Variants in PSD3 observed in about 807,000 individuals in gnomAD.
PSD3 encodes PH and SEC7 domain-containing protein 3.
Under a neutral mutation model 105.5 loss-of-function variants are expected in PSD3, and 49 were observed. That is an observed-to-expected ratio of 0.46 (90% CI 0.37 to 0.59). The LOEUF (loss-of-function observed/expected upper bound fraction) is 0.59. Ranked by LOEUF, PSD3 falls within the 20% of genes least tolerant of loss-of-function variation. The pLI, the probability that PSD3 is intolerant of heterozygous loss-of-function variation, is 0.00. For synonymous variants in PSD3, 557 were observed against 457.8 expected, an observed-to-expected ratio of 1.22 and a Z score of -2.77; for missense variants, 1,561 against 1,263.8, an observed-to-expected ratio of 1.24 and a Z score of -3.57.
At chr8:18,858,499 C>G (rs948153765) in intron 4 of PSD3, among the ~76,000 whole-genome samples, 2 of 152,078 alleles carry the variant, frequency 1.3e-5, no homozygotes, top group Non-Finnish European at 2.9e-5. Context: ...CTTCTTTTCA[C>G]AAAATATTTC....
intron 3 of PSD3, among the ~76,000 whole-genome samples, chr8:18,869,674 G>A (rs565784277): frequency 2.6e-5 from 4 of 152,198 alleles, no homozygotes; most frequent in Admixed American, 2.0e-4. Flanking sequence ...CCTTCCTCAC[G>A]TCTCAGTGTA....
At chr8:18,895,108 G>T (rs1318839960) in intron 2 of PSD3, among the ~76,000 whole-genome samples, 1 of 152,180 alleles carries the variant, frequency 6.6e-6, no homozygotes, top group East Asian at 1.9e-4. Flanking sequence ...ACTTTCCTGA[G>T]ATCCTGTATG....
At chr8:18,791,617 A>G (rs1809726305) in intron 8 of PSD3, among the ~76,000 whole-genome samples, 1 of 152,210 alleles carries the variant, frequency 6.6e-6, no homozygotes, top group South Asian at 2.1e-4. Context: ...ACCCAAAACC[A>G]ATAAAACCCT....
chr8:18,610,727 T>G (rs946220207), intron 11 of PSD3, among the ~76,000 whole-genome samples: 2 of 152,174 alleles, frequency 1.3e-5, no homozygotes, highest in African/African-American at 4.8e-5. Context: ...ATTGGAAGAA[T>G]ATTCTATTCA....
At chr8:18,876,131 T>C (rs1257562091) in intron 2 of PSD3, among the ~76,000 whole-genome samples, 1 of 152,050 alleles carries the variant, frequency 6.6e-6, no homozygotes, top group Non-Finnish European at 1.5e-5. Context: ...CTCTCTATGG[T>C]TCCCAGGCTG....
rs58980263 is a variant in PSD3, at chr8:18,854,761, TAA to T, written c.1634+12911_1634+12912del. Among the ~76,000 whole-genome samples, 1,283 of 152,360 alleles carry T rather than the reference TAA, an allele frequency of 8.4e-3. 21 individuals carry two copies. The highest frequency in any genetic ancestry group is 0.028 in the African/African-American group (1,171 of 41,578). On this transcript the variant is annotated intron_variant, in intron 4 of 15. Coordinates refer to ENST00000327040, the MANE Select transcript of PSD3 (RefSeq NM_015310.4). ...ACTGAAATAGACAACAAAATAGATT[TAA>T]GTCATTAATATTATACACAATTTAG...
chr8:18,563,494 CA>C (rs1241497402), intron 14 of PSD3, among the ~76,000 whole-genome samples: 2 of 151,960 alleles, frequency 1.3e-5, no homozygotes, highest in African/African-American at 4.8e-5. Flanking sequence ...GGAAACTGTT[CA>C]AAACGAAGTG....
intron 8 of PSD3, among the ~76,000 whole-genome samples, chr8:18,772,545 G>A (rs992350390): frequency 2.0e-5 from 3 of 151,962 alleles, no homozygotes; most frequent in South Asian, 4.2e-4. Context: ...TTTTGCTCTC[G>A]TGGCCCAGGC....
intron 2 of PSD3, among the ~76,000 whole-genome samples, chr8:18,917,755 T>A (rs1056759480): frequency 6.6e-6 from 1 of 151,474 alleles, no homozygotes; most frequent in African/African-American, 2.4e-5. Context: ...AGCAAACACA[T>A]CAGAAGATGA....
chr8:18,722,608 G>T (rs1396289483), intron 9 of PSD3, among the ~76,000 whole-genome samples: 1 of 152,122 alleles, frequency 6.6e-6, no homozygotes, highest in East Asian at 1.9e-4. Context: ...GTGAATAAAT[G>T]TATCTAAATA....
chr8:18,599,096 G>C (rs1352512640), intron 12 of PSD3, among the ~76,000 whole-genome samples: 1 of 152,002 alleles, frequency 6.6e-6, no homozygotes, highest in Non-Finnish European at 1.5e-5. Flanking sequence ...CTCTGAATAA[G>C]CCATAAATCA....
intron 1 of PSD3, among the ~76,000 whole-genome samples, chr8:18,977,112 T>G (rs1216338009): frequency 6.6e-6 from 1 of 151,940 alleles, no homozygotes; most frequent in African/African-American, 2.4e-5. Context: ...ATACAAAAAT[T>G]AGCCAGGTGT....
rs1353780150 is a variant in PSD3 at position 18,534,032 on chromosome 8, AG to A, written c.*1710del. On this transcript the variant is annotated 3_prime_UTR_variant, in exon 16 of 16. Coordinates refer to ENST00000327040, the MANE Select transcript of PSD3 (RefSeq NM_015310.4). ...TAGTCATGGACATTTACAGAGGGGAAGGAAGTAAACGTTAATAAATAATTCT... is the reference window on the plus strand; with the variant it reads ...TAGTCATGGACATTTACAGAGGGGAAGAAGTAAACGTTAATAAATAATTCT... 6.6e-6 allele frequency: 1 copy of A among 152,178 alleles called. No individual in the cohort carries two copies. Among genetic ancestry groups the A allele is most frequent in the Non-Finnish European group, 1.5e-5 (1 of 68,042 alleles). 9.4% of individuals were successfully genotyped at this position (152,178 alleles called of 1,614,324 possible).
intron 11 of PSD3, among the ~76,000 whole-genome samples, chr8:18,612,629 C>A (rs182595306): frequency 6.6e-6 from 1 of 152,282 alleles, no homozygotes; most frequent in East Asian, 1.9e-4. Context: ...CTCGGCCTCC[C>A]AAAGTGCTGG....
chr8:19,018,130 T>C (rs542282125), upstream of PSD3, among the ~76,000 whole-genome samples: 109 of 152,306 alleles, frequency 7.2e-4, no homozygotes, highest in Non-Finnish European at 1.4e-3. Context: ...TGTGTGACAT[T>C]TTCTATGGGT....
intron 9 of PSD3, chr8:18,721,103 C>G (rs1802938894): frequency 6.6e-6 from 1 of 152,054 alleles, no homozygotes; most frequent in African/African-American, 2.4e-5. Context: ...GAGCAAAGGC[C>G]CTTCTCACCC....
At chr8:18,669,683 T>C (rs1031362409) in intron 9 of PSD3, among the ~76,000 whole-genome samples, 1 of 152,202 alleles carries the variant, frequency 6.6e-6, no homozygotes. Context: ...ACTTATGAAA[T>C]GTTTGTCTCT....
chr8:18,564,148 G>A (rs1227193953), intron 14 of PSD3, among the ~76,000 whole-genome samples: 1 of 151,096 alleles, frequency 6.6e-6, no homozygotes, highest in African/African-American at 2.4e-5. Context: ...AAAATGTTAA[G>A]GTTTACTAAT....
chr8:18,900,112 C>G (rs1020108026), intron 2 of PSD3, among the ~76,000 whole-genome samples: 1 of 152,128 alleles, frequency 6.6e-6, no homozygotes, highest in African/African-American at 2.4e-5. Context: ...CTGTCTGCTG[C>G]TTCTCCTGTT....
Sources: gnomAD v4.1 joint callset for allele counts (sites outside exome capture counted in the v4.1 genomes callset) on GRCh38, gnomAD v4.1.1 for gene constraint, MANE v1.5 for transcripts, NCBI Gene and HGNC (gene_info 2026-07-23, HGNC 2026-07-21) for gene names.